Variants in PARD3 observed in about 807,000 individuals in gnomAD.
PARD3 encodes par-3 family cell polarity regulator.
In PARD3, 75 loss-of-function variants were observed where a neutral mutation model predicts 155.4. The observed-to-expected ratio is 0.48, with a 90% CI of 0.40 to 0.58. The LOEUF (loss-of-function observed/expected upper bound fraction) is 0.58. PARD3 is among the 20% of genes least tolerant of loss of function. PARD3 has a pLI of 0.00. For missense variants in PARD3, 1,642 were observed against 1,721.7 expected, an observed-to-expected ratio of 0.95 and a Z score of 0.82; for synonymous variants, 576 against 610.5, an observed-to-expected ratio of 0.94 and a Z score of 0.83.
At chr10:34,197,169 C>A (rs1564473676) in intron 22 of PARD3, among the ~76,000 whole-genome samples, 1 of 152,168 alleles carries the variant, frequency 6.6e-6, no homozygotes, top group Non-Finnish European at 1.5e-5. Flanking sequence ...TATGTACACA[C>A]ACTTAGCTCA....
intron 2 of PARD3, among the ~76,000 whole-genome samples, chr10:34,649,994 A>G (rs888859927): frequency 1.3e-5 from 2 of 152,210 alleles, no homozygotes; most frequent in African/African-American, 4.8e-5. Flanking sequence ...ACTGTCTTCC[A>G]CCAGCACCTC....
At chr10:34,273,148 C>G (rs1955709185) in intron 21 of PARD3, among the ~76,000 whole-genome samples, 1 of 152,012 alleles carries the variant, frequency 6.6e-6, no homozygotes, top group South Asian at 2.1e-4. Flanking sequence ...AACTTATGTC[C>G]AAGCAAAAAC....
At chr10:34,495,001 G>T (rs2080174684) in intron 3 of PARD3, among the ~76,000 whole-genome samples, 1 of 152,100 alleles carries the variant, frequency 6.6e-6, no homozygotes, top group Non-Finnish European at 1.5e-5. Flanking sequence ...TCAAAACTTA[G>T]CACCATGACT....
chr10:34,130,566 C>T (rs2132767080), intron 23 of PARD3, among the ~76,000 whole-genome samples: 1 of 152,260 alleles, frequency 6.6e-6, no homozygotes, highest in African/African-American at 2.4e-5. Flanking sequence ...TCTTCAAACT[C>T]CCCATCATCT....
intron 3 of PARD3, among the ~76,000 whole-genome samples, chr10:34,507,854 T>C (rs2081180978): frequency 6.6e-6 from 1 of 152,198 alleles, no homozygotes; most frequent in Non-Finnish European, 1.5e-5. Context: ...AAGAAGGTAA[T>C]TATTTGAAAT....
At chr10:34,766,617 C>CAA (rs34958448) in intron 1 of PARD3, among the ~76,000 whole-genome samples, 1,180 of 81,756 alleles carry the variant, frequency 0.014, 50 homozygotes, top group African/African-American at 0.046. Context: ...ACTTAATTGA[C>CAA]AAAAAAAAAA....
intron 14 of PARD3, among the ~76,000 whole-genome samples, chr10:34,358,606 T>A (rs1839131315): frequency 6.6e-6 from 1 of 152,054 alleles, no homozygotes; most frequent in South Asian, 2.1e-4. Context: ...GGCAGGAGAA[T>A]CCCTTGAGCC....
intron 21 of PARD3, among the ~76,000 whole-genome samples, chr10:34,275,488 C>T (rs1224913012): frequency 1.3e-5 from 2 of 152,174 alleles, no homozygotes; most frequent in Admixed American, 6.5e-5. Flanking sequence ...TGAAACTAAG[C>T]ATGCACTGTG....
At chr10:34,777,470 A>T (rs1839728652) in intron 1 of PARD3, among the ~76,000 whole-genome samples, 1 of 152,150 alleles carries the variant, frequency 6.6e-6, no homozygotes. Context: ...CTCCCCGCAC[A>T]GGGGGCTCTT....
At chr10:34,723,302 A>C (rs944873830) in intron 1 of PARD3, among the ~76,000 whole-genome samples, 3 of 152,220 alleles carry the variant, frequency 2.0e-5, no homozygotes, top group Non-Finnish European at 4.4e-5. Flanking sequence ...TGGGGGACAA[A>C]AAAGAAATCA....
intron 18 of PARD3, among the ~76,000 whole-genome samples, chr10:34,333,467 A>G (rs899984199): frequency 1.1e-4 from 16 of 151,804 alleles, no homozygotes; most frequent in Admixed American, 7.9e-4. Context: ...AATTCATAAC[A>G]CTCTGAAATA....
At chr10:34,354,017 A>G (rs1020889596) in intron 14 of PARD3, among the ~76,000 whole-genome samples, 1 of 151,838 alleles carries the variant, frequency 6.6e-6, no homozygotes, top group Non-Finnish European at 1.5e-5. Context: ...GATCTAAGAA[A>G]AGAAGGAAAG....
At chr10:34,526,373 G>A (rs1003314073) in intron 2 of PARD3, among the ~76,000 whole-genome samples, 6 of 152,086 alleles carry the variant, frequency 3.9e-5, no homozygotes, top group African/African-American at 1.4e-4. Flanking sequence ...CAGTCCCTAC[G>A]CTGTAATAGT....
At chr10:34,157,565 T>C (rs1949068481) in intron 22 of PARD3, among the ~76,000 whole-genome samples, 1 of 152,218 alleles carries the variant, frequency 6.6e-6, no homozygotes, top group African/African-American at 2.4e-5. Context: ...TGAGTCCATG[T>C]ACAATAATTT....
At chr10:34,507,910 A>G (rs2081182904) in intron 3 of PARD3, among the ~76,000 whole-genome samples, 1 of 152,232 alleles carries the variant, frequency 6.6e-6, no homozygotes, top group Non-Finnish European at 1.5e-5. Context: ...ACAAGTTAAA[A>G]GGAAATACAA....
At chr10:34,500,167 T>G (rs998772956) in intron 3 of PARD3, among the ~76,000 whole-genome samples, 3 of 152,244 alleles carry the variant, frequency 2.0e-5, no homozygotes, top group Admixed American at 2.0e-4. Flanking sequence ...GAAGATGTGA[T>G]TCTGACTTTA....
chr10:34,145,187 G>A (rs1301617528), intron 22 of PARD3, among the ~76,000 whole-genome samples: 967 of 84,360 alleles, frequency 0.011, 10 homozygotes, highest in African/African-American at 0.026. Context: ...GTGTGTGTGT[G>A]TGTATATATA....
intron 2 of PARD3, among the ~76,000 whole-genome samples, chr10:34,651,484 C>T (rs1451851272): frequency 1.3e-5 from 2 of 152,214 alleles, no homozygotes; most frequent in Non-Finnish European, 1.5e-5. Context: ...GTCCCCTAGA[C>T]AGAGACTACT....
At position 34,776,072 on chromosome 10, in the gene PARD3, T is replaced by C. The variant is rs147441514; in HGVS notation, c.120+38804A>G. On this transcript the variant is annotated intron_variant, in intron 1 of 24. Coordinates refer to ENST00000374788, the MANE Select transcript of PARD3 (RefSeq NM_001184785.2). ...AGACCTTGTCTCTACTAAAAATTTA[T>C]ATATACAACCCTATAGGCTCATGGT... Among the ~76,000 whole-genome samples the C allele has an allele frequency of 5.7e-3, 873 of 152,284 alleles. 8 individuals carry two copies. Among genetic ancestry groups the C allele is most frequent in the Non-Finnish European group, 6.9e-3 (470 of 68,030 alleles).
Sources: allele counts gnomAD v4.1 joint callset (sites outside exome capture counted in the v4.1 genomes callset), GRCh38; gene constraint gnomAD v4.1.1; transcripts MANE v1.5; gene names NCBI Gene and HGNC (gene_info 2026-07-23, HGNC 2026-07-21).